Variants in BICRAL observed in about 807,000 individuals in gnomAD.
The protein encoded by BICRAL is BICRA like chromatin remodeling complex associated protein, also known as BRD4-interacting chromatin-remodeling complex-associated protein-like.
BICRAL carries 8 observed loss-of-function variants against 91.8 expected under a neutral mutation model. The ratio of observed to expected loss-of-function variants is 0.09; its 90% CI spans 0.05 to 0.16. The LOEUF is 0.16. Among genes scored for constraint, BICRAL ranks in the 10% least tolerant of loss-of-function variants. BICRAL has a pLI of 1.00. For synonymous variants in BICRAL, 445 were observed against 491.1 expected, an observed-to-expected ratio of 0.91 and a Z score of 1.24; for missense variants, 1,038 against 1,310.9, an observed-to-expected ratio of 0.79 and a Z score of 3.21.
chr6:42,862,386 A>G, intron 11 of BICRAL, 124 bp from the exon 12 acceptor site: 1 of 692,608 alleles, frequency 1.4e-6, no homozygotes, highest in Non-Finnish European at 2.6e-6. Context: ...CAAAGAAAGG[A>G]GGCTCACTTT....
chr6:42,801,473 G>A (rs923617698), intron 1 of BICRAL, among the ~76,000 whole-genome samples: 5 of 152,178 alleles, frequency 3.3e-5, no homozygotes, highest in South Asian at 4.1e-4. Flanking sequence ...GAATGCAAAC[G>A]GCAGTGTCCC....
chr6:42,828,531 C>A lies in BICRAL; in HGVS notation c.198C>A (p.Asn66Lys). The A allele has an allele frequency of 6.2e-7, 1 of 1,613,500 alleles. No individual in the cohort carries two copies. Among genetic ancestry groups the A allele is most frequent in the Non-Finnish European group, 8.5e-7 (1 of 1,179,576 alleles). Reference protein sequence around the residue: ...DPKSSLKGVSNQLGEGPSDGL... With the variant: ...DPKSSLKGVSKQLGEGPSDGL... Reference sequence around the variant, plus strand: ...AGTCATCCCTCAAAGGTGTAAGCAACCAGCTTGGAGAAGGGCCCAGTGATG... The same window carrying A: ...AGTCATCCCTCAAAGGTGTAAGCAAACAGCTTGGAGAAGGGCCCAGTGATG... The change falls in exon 6 of 13, where the codon AAC becomes AAA. Residue 66 changes from asparagine (N) to lysine (K), a missense_variant. This residue lies in a region of BICRAL where 115 missense variants were observed against 121.5 expected (regional missense o/e 0.95). Coordinates refer to ENST00000314073, the MANE Select transcript of BICRAL (RefSeq NM_001393499.1).
chr6:42,864,820 C>T lies in BICRAL; in HGVS notation c.2614C>T (p.Pro872Ser). ...CCGAGCCAAAACCGGTGTGACGGAA[C>T]CCATGAATCATGACCAGTTTCATCT... ...RDRAKTGVTE[P>S]MNHDQFHLVP... is the part of the protein sequence containing the mutation. The change falls in exon 13 of 13, where the codon CCC (proline) becomes TCC (serine). Residue 872 changes from proline to serine, a missense_variant. Physicochemically the swap from Pro to Ser is moderately conservative, Grantham distance 74. Transcript: ENST00000314073. The T allele has an allele frequency of 1.2e-6, 2 of 1,614,126 alleles. No homozygotes were observed. Among genetic ancestry groups the T allele is most frequent in the African/African-American group, 1.3e-5 (1 of 75,012 alleles).
Position 42,828,890 on chromosome 6 carries a change from A to G in BICRAL, c.557A>G (p.His186Arg). ...SFASNTVGVQ[H>R]GFMQHVGISV... ...GCAAGCAATACAGTGGGTGTACAAC[A>G]TGGCTTTATGCAACATGTGGGGATC... is the stretch of plus-strand genomic sequence containing the variant. The change falls in exon 6 of 13, where the codon CAT becomes CGT. Residue 186 changes from histidine to arginine, a missense_variant. Physicochemically the swap from His to Arg is conservative, Grantham distance 29. Coordinates refer to ENST00000314073, the MANE Select transcript of BICRAL (RefSeq NM_001393499.1). The G allele has an allele frequency of 1.9e-6, 3 of 1,614,204 alleles. No homozygotes were observed. Among genetic ancestry groups the G allele is most frequent in the East Asian group, 4.5e-5 (2 of 44,892 alleles).
chr6:42,862,347 G>A (rs1320934067), intron 11 of BICRAL, among the ~76,000 whole-genome samples, 163 bp from the exon 12 acceptor site: 2 of 152,068 alleles, frequency 1.3e-5, no homozygotes, highest in East Asian at 3.8e-4. Context: ...AGAGGCACTG[G>A]GTGATAGTGG....
chr6:42,802,435 TTG>T (rs1763604221), intron 1 of BICRAL, among the ~76,000 whole-genome samples: 8 of 93,054 alleles, frequency 8.6e-5, no homozygotes, highest in South Asian at 8.3e-4. Context: ...TTTTTTGTTG[TTG>T]TTGTTGTTGT....
intron 12 of BICRAL, among the ~76,000 whole-genome samples, chr6:42,863,599 C>T (rs944208806): frequency 1.3e-5 from 2 of 152,232 alleles, no homozygotes; most frequent in African/African-American, 4.8e-5. Context: ...TTTCTGTTTC[C>T]TGGTGTCTAT....
At chr6:42,752,629 T>C (rs1057143402) in intron 1 of BICRAL, among the ~76,000 whole-genome samples, 1 of 151,884 alleles carries the variant, frequency 6.6e-6, no homozygotes, top group Admixed American at 6.6e-5. Context: ...TTTTTTAGAT[T>C]GAGTCTCACT....
At chr6:42,792,749 C>T (rs985627277) in intron 1 of BICRAL, among the ~76,000 whole-genome samples, 4 of 151,820 alleles carry the variant, frequency 2.6e-5, no homozygotes, top group Non-Finnish European at 4.4e-5. Flanking sequence ...CCCATCTCTA[C>T]TAAAAATACA....
chr6:42,864,419 A>C (rs537576328), intron 12 of BICRAL, among the ~76,000 whole-genome samples: 5 of 152,324 alleles, frequency 3.3e-5, no homozygotes, highest in Non-Finnish European at 5.9e-5. Flanking sequence ...GTCATCAAGC[A>C]TCTACCTTTT....
Position 42,841,181 on chromosome 6 carries a change from ATATTTTTTTTTTT to A in BICRAL, c.1840-10909_1840-10897del, listed in dbSNP as rs1161304273. On this transcript the variant is annotated intron_variant, in intron 6 of 12. Transcript: ENST00000314073. ...AGAGTGCCTGAATGATCACTCTTGAATATTTTTTTTTTTTTTTTTTTTTTTTGAGATGGGGTCT... is the reference window on the plus strand; with the variant it reads ...AGAGTGCCTGAATGATCACTCTTGAATTTTTTTTTTTTTGAGATGGGGTCT... Among the ~76,000 whole-genome samples, 13 of 134,458 alleles carry A rather than the reference ATATTTTTTTTTTT, an allele frequency of 9.7e-5. 1 individual carries two copies. The highest frequency in any genetic ancestry group is 2.9e-4 in the African/African-American group (10 of 34,800). 88.2% of individuals were successfully genotyped at this position (134,458 alleles called of 152,430 possible). A position where few individuals can be genotyped will look rare whatever the true frequency, so the allele number is the denominator to read the frequency against.
At chr6:42,787,927 T>C (rs1227039264) in intron 1 of BICRAL, among the ~76,000 whole-genome samples, 1 of 150,760 alleles carries the variant, frequency 6.6e-6, no homozygotes, top group Non-Finnish European at 1.5e-5. Flanking sequence ...AAGATGTCAC[T>C]CAGTCATCCA....
chr6:42,785,231 G>C (rs1000184877), intron 1 of BICRAL, among the ~76,000 whole-genome samples: 2 of 152,072 alleles, frequency 1.3e-5, no homozygotes, highest in African/African-American at 4.8e-5. Flanking sequence ...GGTCTAGCCA[G>C]GCCATCTAGT....
At chr6:42,858,908 C>G (rs1220715921) in intron 10 of BICRAL, among the ~76,000 whole-genome samples, 4 of 152,146 alleles carry the variant, frequency 2.6e-5, no homozygotes, top group African/African-American at 4.8e-5. Context: ...TGGCCATGCT[C>G]TTTCCCACCA....
chr6:42,856,108 AC>A (rs1184728827), intron 9 of BICRAL, among the ~76,000 whole-genome samples, 191 bp downstream of exon 9: 2 of 152,010 alleles, frequency 1.3e-5, no homozygotes, highest in Non-Finnish European at 2.9e-5. Context: ...CAGGAGGATC[AC>A]TTGAGCCCAG....
At chr6:42,824,237 T>C (rs141781636) in intron 5 of BICRAL, among the ~76,000 whole-genome samples, 2 of 135,864 alleles carry the variant, frequency 1.5e-5, no homozygotes, top group Non-Finnish European at 3.2e-5. Flanking sequence ...CTCAAAAAAA[T>C]AAAAAAAATA....
At chr6:42,785,705 G>C (rs1055018139) in intron 1 of BICRAL, among the ~76,000 whole-genome samples, 8 of 152,160 alleles carry the variant, frequency 5.3e-5, no homozygotes, top group African/African-American at 1.9e-4. Flanking sequence ...TATCTTCTGG[G>C]TTTTGGGAAG....
chr6:42,782,356 G>A (rs1322172933), intron 1 of BICRAL, among the ~76,000 whole-genome samples: 2 of 64,410 alleles, frequency 3.1e-5, no homozygotes, highest in Admixed American at 1.9e-4. Context: ...GGGGGGGTGG[G>A]TTTGTGGGTG....
chr6:42,824,239 A>T lies in BICRAL; in HGVS notation c.159+1236A>T, dbSNP rs532577080. Among the ~76,000 whole-genome samples the T allele has an allele frequency of 3.3e-3, 446 of 134,180 alleles. 3 individuals are homozygous for T. Among genetic ancestry groups the T allele is most frequent in the Non-Finnish European group, 3.4e-3 (209 of 60,830 alleles). 88.0% of individuals were successfully genotyped at this position (134,180 alleles called of 152,430 possible). ...AGGGAGACTCTGTCTCAAAAAAATA[A>T]AAAAAATAAAAATAAATAATAAATA... is the stretch of plus-strand genomic sequence containing the variant. On this transcript the variant is annotated intron_variant, in intron 5 of 12. Coordinates refer to ENST00000314073, the MANE Select transcript of BICRAL (RefSeq NM_001393499.1).
Sources: allele counts gnomAD v4.1 joint callset (sites outside exome capture counted in the v4.1 genomes callset), GRCh38; gene constraint gnomAD v4.1.1; regional missense constraint gnomAD v4.1.1; transcripts MANE v1.5; gene names NCBI Gene and HGNC (gene_info 2026-07-23, HGNC 2026-07-21).